LARS2: variants seen among roughly 807,000 people sequenced by gnomAD.
The protein encoded by LARS2 is leucyl-tRNA synthetase 2, mitochondrial.
A neutral mutation model predicts 116.6 loss-of-function variants in LARS2; 81 were observed. That is an observed-to-expected ratio of 0.69 (90% CI 0.58 to 0.84). The LOEUF is 0.84. Among genes scored for constraint, LARS2 ranks in the 40% least tolerant of loss-of-function variants. LARS2 has a pLI of 0.00. For missense variants in LARS2, 968 were observed against 1,114.5 expected (o/e 0.87, Z 1.87); for synonymous variants, 396 against 407.2 (o/e 0.97, Z 0.33).
In LARS2 at chr3:45,513,193, C is replaced by A; in HGVS notation, c.1819C>A (p.Pro607Thr). 1 of 1,613,758 alleles carries A rather than the reference C, an allele frequency of 6.2e-7. No individual in the cohort carries two copies. The highest frequency in any genetic ancestry group is 2.2e-5 in the East Asian group (1 of 44,880). ...GLIKGQTFRLPSGQYLQREEV... is the reference protein window; with the variant it reads ...GLIKGQTFRLTSGQYLQREEV... ...TATCAAGGGGCAGACATTCCGCCTA[C>A]CATCTGGACAGTATCTACAGAGAGA... The change falls in exon 16 of 22, where the codon CCA becomes ACA. Residue 607 changes from proline (P) to threonine (T), a missense_variant. Transcript: ENST00000645846.
chr3:45,498,731 A>C (rs1700062415), intron 14 of LARS2, among the ~76,000 whole-genome samples: 1 of 152,222 alleles, frequency 6.6e-6, no homozygotes, highest in Non-Finnish European at 1.5e-5. Flanking sequence ...TTGGCAACAC[A>C]GAGGTCTGTC....
At chr3:45,524,252 A>C in intron 20 of LARS2, 144 bp downstream of exon 20, 1 of 598,574 alleles carries the variant, frequency 1.7e-6, no homozygotes, top group Non-Finnish European at 3.0e-6. Flanking sequence ...TCTGTCCTGT[A>C]CTCTGAATGG....
At chr3:45,483,108 T>A (rs1174987416) in intron 10 of LARS2, among the ~76,000 whole-genome samples, 1 of 152,174 alleles carries the variant, frequency 6.6e-6, no homozygotes, top group Non-Finnish European at 1.5e-5. Context: ...ATTCTATTGC[T>A]GAGTTAGAAG....
intron 12 of LARS2, among the ~76,000 whole-genome samples, chr3:45,491,265 A>G (rs1334584081): frequency 2.0e-5 from 3 of 152,200 alleles, no homozygotes; most frequent in African/African-American, 7.2e-5. Flanking sequence ...AAAAAAATGA[A>G]CTTTTAGGGT....
At chr3:45,501,890 C>T (rs564547592) in intron 15 of LARS2, among the ~76,000 whole-genome samples, 13 of 149,790 alleles carry the variant, frequency 8.7e-5, no homozygotes, top group African/African-American at 1.9e-4. Flanking sequence ...TAATGGGTCA[C>T]GTTGTGAGTT....
chr3:45,507,675 A>G (rs1033357617), intron 15 of LARS2, among the ~76,000 whole-genome samples: 2 of 152,108 alleles, frequency 1.3e-5, no homozygotes, highest in Non-Finnish European at 2.9e-5. Flanking sequence ...TGAGAAATAG[A>G]AAAAGCAAGA....
At chr3:45,489,538 C>T (rs557699176) in intron 12 of LARS2, among the ~76,000 whole-genome samples, 1 of 151,174 alleles carries the variant, frequency 6.6e-6, no homozygotes, top group South Asian at 2.1e-4. Flanking sequence ...TGCTGCTGGT[C>T]CAGGGAACAC....
intron 7 of LARS2, among the ~76,000 whole-genome samples, chr3:45,458,412 G>A (rs116427031): frequency 1.4e-3 from 220 of 152,266 alleles, no homozygotes; most frequent in African/African-American, 5.1e-3. Context: ...ACTCACCTAG[G>A]TCAGGCACAG....
At chr3:45,496,947 G>A (rs1575293228) in intron 14 of LARS2, among the ~76,000 whole-genome samples, 1 of 152,328 alleles carries the variant, frequency 6.6e-6, no homozygotes, top group Non-Finnish European at 1.5e-5. Flanking sequence ...TACCCTCCTT[G>A]CAGTGAACTG....
At chr3:45,392,531 G>A (rs1697972930) in intron 2 of LARS2, among the ~76,000 whole-genome samples, 1 of 152,058 alleles carries the variant, frequency 6.6e-6, no homozygotes, top group Admixed American at 6.6e-5. Flanking sequence ...CTGACCTCAG[G>A]TGATCCGCCT....
In LARS2 at chr3:45,426,291, T is replaced by A. The variant is rs1467479203; in HGVS notation, c.516+6562T>A. On this transcript the variant is annotated intron_variant, in intron 6 of 21. Transcript: ENST00000645846. ...AAGAACTTAAGGGCAAGAGAATGCATGAAAACTCAGTGGGGAAGATTCCCT... is the reference window on the plus strand; with the variant it reads ...AAGAACTTAAGGGCAAGAGAATGCAAGAAAACTCAGTGGGGAAGATTCCCT... 2.0e-5 allele frequency among the ~76,000 whole-genome samples: 3 copies of A among 152,232 alleles called. No individual in the cohort carries two copies. In the East Asian group the frequency reaches 5.8e-4, roughly 29 times the overall value.
chr3:45,541,212 A>G (rs1414291413), intron 20 of LARS2, among the ~76,000 whole-genome samples: 1 of 152,090 alleles, frequency 6.6e-6, no homozygotes, highest in Non-Finnish European at 1.5e-5. Context: ...ACTCTGGGAA[A>G]CGGGGCTTGA....
intron 10 of LARS2, among the ~76,000 whole-genome samples, chr3:45,482,829 G>A (rs769441551): frequency 1.1e-4 from 16 of 152,196 alleles, no homozygotes; most frequent in Non-Finnish European, 2.2e-4. Flanking sequence ...TACTTTGTGA[G>A]GTGGTTAGGG....
intron 7 of LARS2, among the ~76,000 whole-genome samples, chr3:45,454,531 G>A (rs921703961): frequency 2.0e-5 from 3 of 152,140 alleles, no homozygotes; most frequent in African/African-American, 7.2e-5. Context: ...AGCTCAGTGT[G>A]TTTGCAGGTG....
At chr3:45,458,600 T>G in intron 7 of LARS2, 143 bp from the exon 8 acceptor site, 1 of 733,250 alleles carries the variant, frequency 1.4e-6, no homozygotes, top group South Asian at 1.8e-5. Flanking sequence ...GGCAGGAGAA[T>G]CACAGGAACC....
At chr3:45,531,149 A>T (rs1431053579) in intron 20 of LARS2, among the ~76,000 whole-genome samples, 1 of 152,174 alleles carries the variant, frequency 6.6e-6, no homozygotes, top group Non-Finnish European at 1.5e-5. Flanking sequence ...TTCAGTTAAG[A>T]TTTATTGTGA....
At chr3:45,451,467 C>T (rs1034998581) in intron 7 of LARS2, among the ~76,000 whole-genome samples, 1 of 152,024 alleles carries the variant, frequency 6.6e-6, no homozygotes, top group African/African-American at 2.4e-5. Context: ...ACTGTCTTTT[C>T]CCCAATGTAT....
chr3:45,473,355 CGT>C (rs141376705), intron 8 of LARS2, among the ~76,000 whole-genome samples: 6 of 149,940 alleles, frequency 4.0e-5, no homozygotes, highest in African/African-American at 1.2e-4. Context: ...GCTTTGGGTG[CGT>C]GTGTGTGTGT....
chr3:45,394,479 G>A lies in LARS2; in HGVS notation c.26G>A (p.Gly9Asp). 6.2e-7 allele frequency: 1 copy of A among 1,614,102 alleles called. No individual in the cohort carries two copies. Among genetic ancestry groups the A allele is most frequent in the South Asian group, 1.1e-5 (1 of 91,080 alleles). ...ATGGCTTCTGTTTGGCAGAGATTGG[G>A]TTTTTATGCCTCTCTTCTGAAAAGA... is the stretch of plus-strand genomic sequence containing the variant. MASVWQRL[G>D]FYASLLKRQL... Residue 9 changes from glycine to aspartate, a missense_variant, in exon 3 of 22, where the codon GGT (glycine) becomes GAT (aspartate). Transcript: ENST00000645846.
Sources: gnomAD v4.1 joint callset for allele counts (sites outside exome capture counted in the v4.1 genomes callset) on GRCh38, gnomAD v4.1.1 for gene constraint, MANE v1.5 for transcripts, NCBI Gene and HGNC (gene_info 2026-07-23, HGNC 2026-07-21) for gene names.